Variants in FGR observed in about 807,000 individuals in gnomAD.
FGR encodes FGR proto-oncogene, Src family tyrosine kinase, also known as tyrosine-protein kinase Fgr.
Under a neutral mutation model 63.2 loss-of-function variants are expected in FGR, and 26 were observed. That is an observed-to-expected ratio of 0.41 (90% CI 0.30 to 0.57). The LOEUF (loss-of-function observed/expected upper bound fraction) is 0.57, where lower values mean the gene tolerates loss of function less well. Ranked by LOEUF, FGR falls within the 20% of genes least tolerant of loss-of-function variation. The pLI is 0.27. For synonymous variants in FGR, 286 were observed against 277.7 expected (o/e 1.03, Z -0.30); for missense variants, 511 against 690.8 (o/e 0.74, Z 2.92).
At chr1:27,628,954 G>A (rs2090065615) in intron 1 of FGR, among the ~76,000 whole-genome samples, 1 of 152,174 alleles carries the variant, frequency 6.6e-6, no homozygotes, top group East Asian at 1.9e-4. Flanking sequence ...TAGGGCACAG[G>A]GTATGACATC....
Position 27,623,075 on chromosome 1 carries a change from G to A in FGR, c.296C>T (p.Thr99Ile). 1.2e-6 allele frequency: 2 copies of A among 1,614,122 alleles called. No homozygotes were observed. Among genetic ancestry groups the A allele is most frequent in the South Asian group, 2.2e-5 (2 of 91,082 alleles). The change falls in exon 4 of 13, where the codon ACC (threonine) becomes ATC (isoleucine). Residue 99 changes from threonine (T) to isoleucine (I), a missense_variant. Transcript: ENST00000374005. ...CAGGATGTGGAACTTCTCGCCCTTG[G>A]TGAAGGTGAGGTCATCCTCAGTTCG... ...EARTEDDLTF[T>I]KGEKFHILNN...
At chr1:27,614,012 A>G (rs575115587) in intron 11 of FGR, among the ~76,000 whole-genome samples, 7 of 152,296 alleles carry the variant, frequency 4.6e-5, no homozygotes, top group African/African-American at 1.4e-4. Context: ...GGAAACGGAG[A>G]CACTGAGTAG....
chr1:27,615,289 T>C lies in FGR; in HGVS notation c.1018+145A>G, dbSNP rs547895331. On this transcript the variant is annotated intron_variant, in intron 9 of 12. Transcript: ENST00000374005. The surrounding 1 kb of genome is among the most constrained non-coding windows in gnomAD (Gnocchi z 7.6). ...CTCGGCCCGGCTCCCACCTCAGCCC[T>C]CCAGTCGTTTTACACACCTGGTCCC... The C allele has an allele frequency of 2.5e-5, 24 of 965,444 alleles. No individual in the cohort carries two copies. The East Asian group carries it at 4.4e-4, about 18-fold the overall frequency. 59.8% of individuals were successfully genotyped at this position (965,444 alleles called of 1,614,324 possible).
At chr1:27,632,140 C>CTT (rs71739634) in intron 1 of FGR, among the ~76,000 whole-genome samples, 2 of 140,056 alleles carry the variant, frequency 1.4e-5, no homozygotes, top group African/African-American at 2.7e-5. Context: ...TCTTCTTCTT[C>CTT]TTTTTTTTTT....
chr1:27,623,625 C>A, intron 3 of FGR, 66 bp downstream of exon 3: 2 of 1,545,148 alleles, frequency 1.3e-6, no homozygotes, highest in East Asian at 2.3e-5. Context: ...AAGTTCGCAT[C>A]TCTTCTTCTT....
intron 1 of FGR, among the ~76,000 whole-genome samples, chr1:27,627,331 C>T (rs2090037173): frequency 6.6e-6 from 1 of 152,038 alleles, no homozygotes; most frequent in African/African-American, 2.4e-5. Context: ...GCCTCATGCA[C>T]AGGCTCCAGG....
intron 1 of FGR, among the ~76,000 whole-genome samples, chr1:27,634,100 A>G (rs1278530927): frequency 7.8e-5 from 9 of 115,384 alleles, no homozygotes; most frequent in Admixed American, 7.3e-4. Flanking sequence ...CCCCCCACCC[A>G]CCAGACCGAG....
At chr1:27,621,686 C>T (rs1467013368) in intron 4 of FGR, 29 bp from the exon 5 acceptor site, 4 of 1,547,354 alleles carry the variant, frequency 2.6e-6, no homozygotes, top group South Asian at 2.2e-5. Flanking sequence ...GCATGGTCAG[C>T]AGCACCTCCA....
Position 27,612,681 on chromosome 1 carries a change from G to A in FGR, c.*233C>T, listed in dbSNP as rs2089717159. The stretch of plus-strand genomic sequence containing the variant: ...CTACAGGCATGTAGGGGCCTAAGTG[G>A]AAAAGGAAGAAATAGTGCTTGGGGC... On this transcript the variant is annotated 3_prime_UTR_variant, in exon 13 of 13. Coordinates refer to ENST00000374005, the MANE Select transcript of FGR (RefSeq NM_005248.3). 1 of 535,972 alleles carries A rather than the reference G, an allele frequency of 1.9e-6. No individual in the cohort carries two copies. Among genetic ancestry groups the A allele is most frequent in the Non-Finnish European group, 3.4e-6 (1 of 298,058 alleles). 33.2% of individuals were successfully genotyped at this position (535,972 alleles called of 1,614,324 possible). A position where few individuals can be genotyped will look rare whatever the true frequency, so the allele number is the denominator to read the frequency against.
chr1:27,628,523 A>C (rs1182191792), intron 1 of FGR, among the ~76,000 whole-genome samples: 1 of 129,822 alleles, frequency 7.7e-6, no homozygotes, highest in Admixed American at 7.6e-5. Flanking sequence ...GGATACACAC[A>C]CACACACACA....
Position 27,613,289 on chromosome 1 carries a change from G to A in FGR, c.1311C>T (p.Ile437=). The A allele has an allele frequency of 6.2e-7, 1 of 1,614,198 alleles. No individual in the cohort carries two copies. The highest frequency in any genetic ancestry group is 2.2e-5 in the East Asian group (1 of 44,878). ...TCCCAAAGGACCACACGTCTGACTT[G>A]ATGGTGAATCTGCCAAAGAGGGCAG... ...PEAALFGRFT[I]KSDVWSFGIL... is the part of the protein sequence containing the mutation. Residue 437 remains isoleucine (I), a synonymous_variant, in exon 12 of 13, where the codon ATC becomes ATT. Coordinates refer to ENST00000374005, the MANE Select transcript of FGR (RefSeq NM_005248.3).
intron 1 of FGR, among the ~76,000 whole-genome samples, chr1:27,633,792 TTGAGAAGGTGAAG>T (rs1557742974): frequency 6.6e-6 from 1 of 152,162 alleles, no homozygotes; most frequent in Non-Finnish European, 1.5e-5. Context: ...CTGCATGTTT[TTGAGAAGGTGAAG>T]GGGAGGCTCG....
intron 1 of FGR, among the ~76,000 whole-genome samples, chr1:27,630,253 C>A (rs921782552): frequency 2.0e-5 from 3 of 152,112 alleles, no homozygotes; most frequent in Admixed American, 2.0e-4. Context: ...CGGGGTTTCA[C>A]CGTGTTAGCC....
Position 27,623,727 on chromosome 1 carries a change from C to A in FGR, c.190G>T (p.Gly64Cys). The change falls in exon 3 of 13, where the codon GGC becomes TGC. Residue 64 changes from glycine to cysteine, a missense_variant. Physicochemically the swap from Gly to Cys is radical, Grantham distance 159 (BLOSUM62 -3). Transcript: ENST00000374005. ...SNFSSQAINPGFLDSGTIRGV... is the reference protein window; with the variant it reads ...SNFSSQAINPCFLDSGTIRGV... ...CTGATGGTGCCACTATCAAGGAAGC[C>A]AGGGTTGATGGCCTGAGAGGAGAAG... 6.2e-7 allele frequency: 1 copy of A among 1,614,208 alleles called. No homozygotes were observed. Among genetic ancestry groups the A allele is most frequent in the Non-Finnish European group, 8.5e-7 (1 of 1,180,036 alleles).
Position 27,614,590 on chromosome 1 carries a change from G to A in FGR, c.1096-7C>T, listed in dbSNP as rs1424327611. 1.2e-6 allele frequency: 2 copies of A among 1,613,412 alleles called. No homozygotes were observed. The highest frequency in any genetic ancestry group is 1.7e-6 in the Non-Finnish European group (2 of 1,179,622). On this transcript the variant is annotated splice_region_variant and splice_polypyrimidine_tract_variant and intron_variant, in intron 10 of 12. Transcript: ENST00000374005. Reference sequence around the variant, plus strand: ...AGGCCATGCCCTCAGCTACCTGGGGGACCATAGTGTGGAGAGATGGGAGCT... The same window carrying A: ...AGGCCATGCCCTCAGCTACCTGGGGAACCATAGTGTGGAGAGATGGGAGCT...
chr1:27,622,288 C>CAAAA (rs1210861502), intron 4 of FGR, among the ~76,000 whole-genome samples: 1 of 42,190 alleles, frequency 2.4e-5, no homozygotes, highest in African/African-American at 8.4e-5. Flanking sequence ...GACTCCAACT[C>CAAAA]AAAAAAAAAA....
In FGR at chr1:27,623,687, T is replaced by C; in HGVS notation, c.226+4A>G. 1.2e-6 allele frequency: 2 copies of C among 1,614,108 alleles called. No individual in the cohort carries two copies. Among genetic ancestry groups the C allele is most frequent in the Non-Finnish European group, 1.7e-6 (2 of 1,179,980 alleles). On this transcript the variant is annotated splice_donor_region_variant and intron_variant, in intron 3 of 12. Transcript: ENST00000374005. ...AGCTCCTGCCTCCGACCCCTTGGAC[T>C]CACCTGACACACCCCTGATGGTGCC...
At chr1:27,628,039 G>T (rs2090048871) in intron 1 of FGR, among the ~76,000 whole-genome samples, 2 of 152,040 alleles carry the variant, frequency 1.3e-5, no homozygotes, top group South Asian at 4.1e-4. Context: ...AGGATTGCTT[G>T]GGTCCAGGAA....
At chr1:27,633,682 G>A (rs1027725362) in intron 1 of FGR, among the ~76,000 whole-genome samples, 1 of 152,172 alleles carries the variant, frequency 6.6e-6, no homozygotes, top group Admixed American at 6.5e-5. Flanking sequence ...TGGAGTAGCT[G>A]GGACTACAGC....
Sources: gnomAD v4.1 joint callset for allele counts (sites outside exome capture counted in the v4.1 genomes callset) on GRCh38, gnomAD v4.1.1 for gene constraint, Gnocchi (gnomAD v3.1) non-coding constraint, MANE v1.5 for transcripts, NCBI Gene and HGNC (gene_info 2026-07-23, HGNC 2026-07-21) for gene names.